Variants in LRP2BP observed in about 807,000 individuals in gnomAD.
The protein encoded by LRP2BP is LRP2 binding protein, also known as LRP2-binding protein.
In LRP2BP, 38 loss-of-function variants were observed where a neutral mutation model predicts 45.2. The ratio of observed to expected loss-of-function variants is 0.84; its 90% CI spans 0.65 to 1.10. The LOEUF (loss-of-function observed/expected upper bound fraction) is 1.10. Among genes scored for constraint, LRP2BP ranks in the 50% least tolerant of loss-of-function variants. LRP2BP has a pLI of 0.00. For synonymous variants in LRP2BP, 153 were observed against 153.9 expected (o/e 0.99, Z 0.04); for missense variants, 385 against 418.9 (o/e 0.92, Z 0.71).
Position 185,375,745 on chromosome 4 carries a change from TATTTA to T in LRP2BP, c.217-24_217-20del. On this transcript the variant is annotated intron_variant, in intron 3 of 8. Transcript: ENST00000505916. The stretch of plus-strand genomic sequence containing the variant: ...ACCATCCCTAGAAGCACCCAGAAGA[TATTTA>T]ATTATTTTTATTATGATCTTAAAGT... 6.7e-7 allele frequency: 1 copy of T among 1,494,588 alleles called. No homozygotes were observed. The highest frequency in any genetic ancestry group is 2.3e-5 in the East Asian group (1 of 43,660). The allele number at this position is 1,494,588 out of a possible 1,614,324, so 92.6% of individuals were successfully genotyped here. A position where few individuals can be genotyped will look rare whatever the true frequency, so the allele number is the denominator to read the frequency against.
At chr4:185,385,907 G>GT (rs1554020212) in intron 1 of LRP2BP, among the ~76,000 whole-genome samples, 3 of 76,860 alleles carry the variant, frequency 3.9e-5, no homozygotes, top group African/African-American at 1.1e-4. Context: ...TCTCGGGGAG[G>GT]GGGGGGGGGA....
intron 1 of LRP2BP, among the ~76,000 whole-genome samples, chr4:185,387,189 C>T (rs754697977): frequency 2.6e-4 from 40 of 152,194 alleles, no homozygotes; most frequent in African/African-American, 6.0e-4. Flanking sequence ...GCCGAGATTG[C>T]GCCCCCGCAC....
At chr4:185,383,482 A>C (rs2095461541) in intron 1 of LRP2BP, among the ~76,000 whole-genome samples, 2 of 152,174 alleles carry the variant, frequency 1.3e-5, no homozygotes, top group African/African-American at 2.4e-5. Context: ...CCCATCTCCA[A>C]AAACACACTG....
In LRP2BP at chr4:185,374,200, T is replaced by C; in HGVS notation, c.514A>G (p.Ser172Gly). The change falls in exon 6 of 9, where the codon AGT (serine) becomes GGT (glycine). Residue 172 changes from serine (S) to glycine (G), a missense_variant. Ser to Gly is a moderately conservative substitution (Grantham distance 56). Transcript: ENST00000505916. ...IAADNGNPKA[S>G]VKAQSMLGLY... ...CCGAGCATACTTTGAGCCTTCACAC[T>C]AGCTTTGGGATTTCCATTGTCTGCT... The C allele has an allele frequency of 6.2e-7, 1 of 1,614,158 alleles. No individual in the cohort carries two copies. The highest frequency in any genetic ancestry group is 1.3e-5 in the African/African-American group (1 of 75,032).
chr4:185,395,827 A>G lies in LRP2BP; in HGVS notation c.-1070T>C. On this transcript the variant is annotated 5_prime_UTR_variant, in exon 1 of 9. Coordinates refer to ENST00000505916, the MANE Select transcript of LRP2BP (RefSeq NM_001377440.1). ...TTTCTCCGAGCTTTCAAAGGCATCA[A>G]CAGAAGGGAATCACTAAAAATGTAG... is the stretch of plus-strand genomic sequence containing the variant. The G allele has an allele frequency of 1.0e-6, 1 of 985,348 alleles. No individual in the cohort carries two copies. The highest frequency in any genetic ancestry group is 1.2e-6 in the Non-Finnish European group (1 of 829,944). 61.0% of individuals were successfully genotyped at this position (985,348 alleles called of 1,614,324 possible).
intron 4 of LRP2BP, 110 bp downstream of exon 4, chr4:185,375,503 T>TA (rs2095433099): frequency 1.4e-5 from 1 of 69,542 alleles, no homozygotes; most frequent in African/African-American, 7.4e-5. Context: ...TATATATATA[T>TA]ATATATATAT....
chr4:185,367,137 T>G lies in LRP2BP; in HGVS notation c.*43A>C. ...AGCTACTGTAAAAATACACACATTG[T>G]GAGGTGTTAGCATTGATGATCTTTG... is the stretch of plus-strand genomic sequence containing the variant. On this transcript the variant is annotated 3_prime_UTR_variant, in exon 9 of 9. Coordinates refer to ENST00000505916, the MANE Select transcript of LRP2BP (RefSeq NM_001377440.1). 9.1e-5 allele frequency: 134 copies of G among 1,471,458 alleles called. No homozygotes were observed. The highest frequency in any genetic ancestry group is 1.1e-4 in the Non-Finnish European group (112 of 1,055,530). 91.2% of individuals were successfully genotyped at this position (1,471,458 alleles called of 1,614,324 possible).
At chr4:185,382,706 G>A (rs753038870) in intron 1 of LRP2BP, among the ~76,000 whole-genome samples, 1 of 152,176 alleles carries the variant, frequency 6.6e-6, no homozygotes, top group Non-Finnish European at 1.5e-5. Context: ...GGTTATAATA[G>A]TTCTTTATAT....
chr4:185,378,180 A>G lies in LRP2BP; in HGVS notation c.7T>C (p.Leu3=). 6.2e-7 allele frequency: 1 copy of G among 1,613,996 alleles called. No homozygotes were observed. The highest frequency in any genetic ancestry group is 8.5e-7 in the Non-Finnish European group (1 of 1,179,986). The change falls in exon 2 of 9, where the codon TTG becomes CTG. Residue 3 remains leucine (L), a synonymous_variant. Coordinates refer to ENST00000505916, the MANE Select transcript of LRP2BP (RefSeq NM_001377440.1). ...TTCTTGGGCAACTTTTCACTGGTCA[A>G]CTTCATCCTTTTTCTGCAATGTGTA... The part of the protein sequence containing the change: MK[L]TSEKLPKNPF...
chr4:185,379,690 AG>A (rs76676820), intron 1 of LRP2BP, among the ~76,000 whole-genome samples: 2,961 of 152,318 alleles, frequency 0.019, 47 homozygotes, highest in South Asian at 0.062. Flanking sequence ...GTTCATTATG[AG>A]GCTCGTTTAA....
Position 185,367,171 on chromosome 4 carries a change from C to G in LRP2BP, c.*9G>C. On this transcript the variant is annotated 3_prime_UTR_variant, in exon 9 of 9. Transcript: ENST00000505916. ...AGCATTGATGATCTTTGTTGAAATA[C>G]ATTGTGGTCTAAATTCTTTGACGAA... 2 of 1,608,826 alleles carry G rather than the reference C, an allele frequency of 1.2e-6. No homozygotes were observed. The highest frequency in any genetic ancestry group is 1.7e-6 in the Non-Finnish European group (2 of 1,176,030).
chr4:185,386,357 T>C (rs2126834070), intron 1 of LRP2BP, among the ~76,000 whole-genome samples: 1 of 152,310 alleles, frequency 6.6e-6, no homozygotes, highest in South Asian at 2.1e-4. Context: ...GGGCAAGGAA[T>C]GCTCATTTGT....
intron 8 of LRP2BP, among the ~76,000 whole-genome samples, chr4:185,368,801 T>TG (rs2095402610): frequency 6.6e-6 from 1 of 151,402 alleles, no homozygotes; most frequent in Non-Finnish European, 1.5e-5. Context: ...TTTTGTTTTT[T>TG]TTTTTTTTTT....
chr4:185,370,430 G>C (rs1163055016), intron 8 of LRP2BP, among the ~76,000 whole-genome samples: 1 of 152,034 alleles, frequency 6.6e-6, no homozygotes, highest in Non-Finnish European at 1.5e-5. Context: ...ATCAAAATAG[G>C]ACTTTTAATC....
At chr4:185,393,687 G>C (rs1251006413) in intron 1 of LRP2BP, among the ~76,000 whole-genome samples, 2 of 151,640 alleles carry the variant, frequency 1.3e-5, no homozygotes, top group Non-Finnish European at 1.5e-5. Flanking sequence ...CACCACGCCC[G>C]GCCAATTTTT....
At chr4:185,390,720 G>A (rs2095486161) in intron 1 of LRP2BP, 1 of 152,100 alleles carries the variant, frequency 6.6e-6, no homozygotes, top group Non-Finnish European at 1.5e-5. Context: ...GAAATGAAGC[G>A]TGTTGGATAA....
At chr4:185,389,908 A>G (rs2126845064) in intron 1 of LRP2BP, among the ~76,000 whole-genome samples, 1 of 152,218 alleles carries the variant, frequency 6.6e-6, no homozygotes, top group East Asian at 1.9e-4. Context: ...AACGTGTAAA[A>G]AAAAGTTATT....
At chr4:185,392,908 G>A (rs1471046828) in intron 1 of LRP2BP, among the ~76,000 whole-genome samples, 1 of 152,148 alleles carries the variant, frequency 6.6e-6, no homozygotes, top group Non-Finnish European at 1.5e-5. Flanking sequence ...AAATACATGT[G>A]AAACCAGGCC....
At chr4:185,386,879 C>T (rs994436058) in intron 1 of LRP2BP, among the ~76,000 whole-genome samples, 3 of 152,114 alleles carry the variant, frequency 2.0e-5, no homozygotes, top group South Asian at 2.1e-4. Context: ...GAGACATGTA[C>T]GTACATGATG....
Sources: allele counts gnomAD v4.1 joint callset (sites outside exome capture counted in the v4.1 genomes callset), GRCh38; gene constraint gnomAD v4.1.1; transcripts MANE v1.5; gene names NCBI Gene and HGNC (gene_info 2026-07-23, HGNC 2026-07-21).